The following REEP3 variants were observed in gnomAD, a reference collection of about 807,000 sequenced individuals.
REEP3 encodes receptor accessory protein 3.
Under a neutral mutation model 41.3 loss-of-function variants are expected in REEP3, and 20 were observed. That is an observed-to-expected ratio of 0.48 (90% confidence interval 0.34 to 0.70). The LOEUF (loss-of-function observed/expected upper bound fraction) is 0.70. Ranked by LOEUF, REEP3 falls within the 30% of genes least tolerant of loss-of-function variation. REEP3 has a pLI of 0.01. For synonymous variants in REEP3, 104 were observed against 101.8 expected (o/e 1.02, Z -0.13); for missense variants, 271 against 308.8 (o/e 0.88, Z 0.92).
At chr10:63,601,461 G>A (rs1187965735) in intron 5 of REEP3, among the ~76,000 whole-genome samples, 1 of 152,202 alleles carries the variant, frequency 6.6e-6, no homozygotes, top group African/African-American at 2.4e-5. Flanking sequence ...AAGTCATTCA[G>A]CACAGAAAGG....
At chr10:63,583,568 G>C (rs140829426) in intron 2 of REEP3, among the ~76,000 whole-genome samples, 4 of 152,166 alleles carry the variant, frequency 2.6e-5, no homozygotes, top group African/African-American at 9.7e-5. Context: ...GCCAGATGGA[G>C]TCGACTGTGT....
intron 2 of REEP3, among the ~76,000 whole-genome samples, chr10:63,577,511 C>T (rs1451279684): frequency 1.3e-5 from 2 of 152,160 alleles, no homozygotes; most frequent in Non-Finnish European, 2.9e-5. Context: ...GCAAGCTCCA[C>T]CTCCTGGGTT....
At position 63,619,817 on chromosome 10, in the gene REEP3, G is replaced by A. The variant is rs1189847944; in HGVS notation, c.711+17G>A. On this transcript the variant is annotated intron_variant, in intron 7 of 7. Coordinates refer to ENST00000373758, the MANE Select transcript of REEP3 (RefSeq NM_001001330.3). ...CGCAAAGAGGTTGGTTAAGTGTAGA[G>A]CTGTTTTCCTAATGATTAGTGAAGG... is the stretch of plus-strand genomic sequence containing the variant. 2.5e-6 allele frequency: 4 copies of A among 1,593,254 alleles called. No individual in the cohort carries two copies. Among genetic ancestry groups the A allele is most frequent in the Non-Finnish European group, 3.4e-6 (4 of 1,168,996 alleles).
intron 7 of REEP3, 120 bp downstream of exon 7, chr10:63,619,920 T>A: frequency 2.4e-4 from 59 of 246,536 alleles, no homozygotes; most frequent in Middle Eastern, 1.6e-3. Flanking sequence ...GCAGTTTGAT[T>A]TTTTTTTTTT....
rs550181376 is a variant in REEP3 at position 63,578,552 on chromosome 10, A to G, written c.105+12142A>G. Among the ~76,000 whole-genome samples, 6 of 152,200 alleles carry G rather than the reference A, an allele frequency of 3.9e-5. No individual in the cohort carries two copies. In the East Asian group the frequency reaches 7.8e-4, roughly 20 times the overall value. Reference sequence around the variant, plus strand: ...TTGGGAGGCCGAGGTGGATGGATCAATCGCTTGAGTCCAGGAGTTTGAGAC... The same window carrying G: ...TTGGGAGGCCGAGGTGGATGGATCAGTCGCTTGAGTCCAGGAGTTTGAGAC... On this transcript the variant is annotated intron_variant, in intron 2 of 7. Coordinates refer to ENST00000373758, the MANE Select transcript of REEP3 (RefSeq NM_001001330.3).
chr10:63,596,971 T>A (rs1331454233), intron 3 of REEP3, among the ~76,000 whole-genome samples: 38 of 152,196 alleles, frequency 2.5e-4, no homozygotes, highest in Admixed American at 2.5e-3. Context: ...AAGCAGCTGT[T>A]CTCATGCCAG....
rs545989448 is a variant in REEP3, at chr10:63,614,276, C to G, written c.565+3942C>G. Among the ~76,000 whole-genome samples, 3 of 152,242 alleles carry G rather than the reference C, an allele frequency of 2.0e-5. No individual in the cohort carries two copies. In the South Asian group the frequency reaches 6.2e-4, roughly 32 times the overall value. On this transcript the variant is annotated intron_variant, in intron 6 of 7. Transcript: ENST00000373758. ...CTGTGTTGGGAACTGTTTCAGTTAT[C>G]TAGTTATCTATTGCTGCATAATAAG...
chr10:63,602,578 A>G (rs1956182392), intron 5 of REEP3, among the ~76,000 whole-genome samples: 2 of 152,218 alleles, frequency 1.3e-5, no homozygotes, highest in African/African-American at 4.8e-5. Flanking sequence ...AAAAACAAAG[A>G]AGCATACAAA....
rs1956349122 is a variant in REEP3 at position 63,620,922 on chromosome 10, A to G, written c.*53A>G. On this transcript the variant is annotated 3_prime_UTR_variant, in exon 8 of 8. Transcript: ENST00000373758. ...AGATTATGCTAAATACATCGACTTCATCTTCTAACATGATATATTCAGGAT... is the reference window on the plus strand; with the variant it reads ...AGATTATGCTAAATACATCGACTTCGTCTTCTAACATGATATATTCAGGAT... The G allele has an allele frequency of 9.2e-7, 1 of 1,081,596 alleles. No individual in the cohort carries two copies. Among genetic ancestry groups the G allele is most frequent in the Non-Finnish European group, 1.4e-6 (1 of 720,776 alleles). The allele number at this position is 1,081,596 out of a possible 1,614,324, so 67.0% of individuals were successfully genotyped here.
intron 2 of REEP3, among the ~76,000 whole-genome samples, chr10:63,582,781 C>T (rs574368625): frequency 6.6e-6 from 1 of 151,272 alleles, no homozygotes; most frequent in South Asian, 2.1e-4. Flanking sequence ...TTTCCTTAGG[C>T]CTCCACTGTG....
intron 1 of REEP3, among the ~76,000 whole-genome samples, chr10:63,545,087 A>G (rs760621136): frequency 7.9e-5 from 12 of 152,258 alleles, no homozygotes; most frequent in Admixed American, 1.3e-4. Context: ...CAAAGAAGAC[A>G]GAATTAGCTA....
chr10:63,565,014 T>A (rs1955784099), intron 1 of REEP3, among the ~76,000 whole-genome samples: 1 of 152,210 alleles, frequency 6.6e-6, no homozygotes, highest in African/African-American at 2.4e-5. Context: ...TCCCAGCACT[T>A]TGGGAGGCCA....
chr10:63,619,583 C>A, intron 6 of REEP3, 72 bp from the exon 7 acceptor site: 1 of 1,372,114 alleles, frequency 7.3e-7, no homozygotes, highest in Non-Finnish European at 1.0e-6. Flanking sequence ...GAACTGTACA[C>A]AGATGGGTCA....
At chr10:63,571,408 T>C (rs1955851083) in intron 2 of REEP3, among the ~76,000 whole-genome samples, 1 of 152,154 alleles carries the variant, frequency 6.6e-6, no homozygotes. Flanking sequence ...CCCTGTCTAC[T>C]CCAGCTTCTA....
At chr10:63,620,591 T>C (rs1589891811) in intron 7 of REEP3, among the ~76,000 whole-genome samples, 2 of 152,338 alleles carry the variant, frequency 1.3e-5, no homozygotes, top group South Asian at 4.1e-4. Context: ...ATAGGATTAA[T>C]GTTTTTATGT....
chr10:63,606,420 C>T lies in REEP3; in HGVS notation c.418-3767C>T, dbSNP rs796125013. Among the ~76,000 whole-genome samples, 42 of 151,922 alleles carry T rather than the reference C, an allele frequency of 2.8e-4. 1 individual carries two copies. The highest frequency in any genetic ancestry group is 9.7e-4 in the African/African-American group (40 of 41,384). ...CCTTTTTTAGAGACAGGGTCTCGCT[C>T]TATCACCCAGGCTGGAGTGCAGAGT... On this transcript the variant is annotated intron_variant, in intron 5 of 7. Transcript: ENST00000373758.
chr10:63,595,811 C>T (rs552388836), intron 3 of REEP3, among the ~76,000 whole-genome samples: 2 of 152,362 alleles, frequency 1.3e-5, no homozygotes, highest in South Asian at 4.1e-4. Flanking sequence ...CTCCCAACCT[C>T]AGGTGATCTG....
chr10:63,586,182 T>A (rs1266435299), intron 2 of REEP3, among the ~76,000 whole-genome samples: 1 of 152,136 alleles, frequency 6.6e-6, no homozygotes, highest in East Asian at 1.9e-4. Flanking sequence ...ATCCTCTAAT[T>A]CCTTTGAGAG....
intron 5 of REEP3, among the ~76,000 whole-genome samples, chr10:63,601,683 C>A (rs1282817102): frequency 6.6e-6 from 1 of 152,106 alleles, no homozygotes; most frequent in South Asian, 2.1e-4. Flanking sequence ...CTTTGGGAGG[C>A]CGAGGTAGGT....
Sources: allele counts gnomAD v4.1 joint callset (sites outside exome capture counted in the v4.1 genomes callset), GRCh38; gene constraint gnomAD v4.1.1; transcripts MANE v1.5; gene names NCBI Gene and HGNC (gene_info 2026-07-23, HGNC 2026-07-21).